PHTF1: variants seen among roughly 807,000 people sequenced by gnomAD.
PHTF1 encodes the protein putative homeodomain transcription factor 1, also known as protein PHTF1.
Under a neutral mutation model 102.4 loss-of-function variants are expected in PHTF1, and 88 were observed. The ratio of observed to expected loss-of-function variants is 0.86; its 90% CI spans 0.72 to 1.03. The LOEUF (loss-of-function observed/expected upper bound fraction) is 1.03. Ranked by LOEUF, PHTF1 falls within the 50% of genes least tolerant of loss-of-function variation. The pLI is 0.00. For missense variants in PHTF1, 814 were observed against 909.5 expected (o/e 0.89, Z 1.35); for synonymous variants, 289 against 305.2 (o/e 0.95, Z 0.55).
intron 11 of PHTF1, among the ~76,000 whole-genome samples, chr1:113,708,179 G>C (rs1650499928): frequency 6.6e-6 from 1 of 152,188 alleles, no homozygotes. Context: ...CTGTAGCAAG[G>C]AAAATGAAAG....
intron 5 of PHTF1, among the ~76,000 whole-genome samples, chr1:113,731,401 T>C (rs1654611741): frequency 6.6e-6 from 1 of 151,866 alleles, no homozygotes; most frequent in Non-Finnish European, 1.5e-5. Flanking sequence ...CAGCTGAGCA[T>C]GGTGGCACAC....
intron 3 of PHTF1, among the ~76,000 whole-genome samples, chr1:113,742,392 G>C (rs1378109397): frequency 6.6e-6 from 1 of 152,192 alleles, no homozygotes; most frequent in African/African-American, 2.4e-5. Context: ...AGAAGGCCAA[G>C]GCAGGAGGAT....
At chr1:113,713,693 A>G (rs1651526373) in intron 7 of PHTF1, 1 of 374,874 alleles carries the variant, frequency 2.7e-6, no homozygotes, top group Non-Finnish European at 4.8e-6. Flanking sequence ...AGTGTTGCAC[A>G]AAAGTAGGTT....
chr1:113,700,553 T>C (rs1649327444), intron 16 of PHTF1, among the ~76,000 whole-genome samples: 1 of 152,148 alleles, frequency 6.6e-6, no homozygotes. Context: ...CCAATAAAAA[T>C]CTCTCCATAG....
At chr1:113,746,215 A>C (rs527418599) in intron 3 of PHTF1, among the ~76,000 whole-genome samples, 2 of 152,352 alleles carry the variant, frequency 1.3e-5, no homozygotes, top group South Asian at 2.1e-4. Flanking sequence ...ACTCATATTC[A>C]AAAGATATTT....
intron 15 of PHTF1, among the ~76,000 whole-genome samples, chr1:113,702,894 G>C (rs1571079165): frequency 6.6e-6 from 1 of 152,278 alleles, no homozygotes; most frequent in African/African-American, 2.4e-5. Context: ...CAGATTAAAG[G>C]AGACTAAAGA....
chr1:113,750,036 C>T (rs970328683), intron 3 of PHTF1, among the ~76,000 whole-genome samples: 1 of 151,884 alleles, frequency 6.6e-6, no homozygotes, highest in African/African-American at 2.4e-5. Context: ...GCTCTGTCAC[C>T]CCGTCTAGAG....
At chr1:113,758,847 A>C (rs543584415) in intron 1 of PHTF1, 114 bp from the exon 2 acceptor site, 1 of 1,347,572 alleles carries the variant, frequency 7.4e-7, no homozygotes, top group South Asian at 2.0e-5. Context: ...CTCTTTCTCC[A>C]GCTGTTTGCC....
chr1:113,728,692 T>G (rs1654195915), intron 5 of PHTF1, among the ~76,000 whole-genome samples: 1 of 152,176 alleles, frequency 6.6e-6, no homozygotes, highest in East Asian at 1.9e-4. Flanking sequence ...GCAGATCACT[T>G]GAGGTGAGAA....
At chr1:113,717,958 C>T (rs1652335218) in intron 7 of PHTF1, among the ~76,000 whole-genome samples, 2 of 152,144 alleles carry the variant, frequency 1.3e-5, no homozygotes, top group Non-Finnish European at 1.5e-5. Context: ...CATGTCCTCA[C>T]ATTTCAAAAC....
chr1:113,704,637 T>A (rs1020736600), intron 14 of PHTF1, 29 bp downstream of exon 14: 1 of 1,526,696 alleles, frequency 6.6e-7, no homozygotes, highest in Non-Finnish European at 8.9e-7. Flanking sequence ...TTCTTGCACA[T>A]ACTCTATTGT....
intron 5 of PHTF1, among the ~76,000 whole-genome samples, chr1:113,731,904 A>T (rs1466958465): frequency 2.1e-5 from 3 of 141,940 alleles, no homozygotes; most frequent in African/African-American, 7.8e-5. Flanking sequence ...CTCAATTTTA[A>T]AAAAAAAAAA....
In PHTF1 at chr1:113,698,256, ACTTACT is replaced by A; in HGVS notation, c.2268_2268+5del. 2 of 1,600,396 alleles carry A rather than the reference ACTTACT, an allele frequency of 1.2e-6. No individual in the cohort carries two copies. The highest frequency in any genetic ancestry group is 2.2e-5 in the East Asian group (1 of 44,558). ...TAGGATGCTACAGAGTGGTGGTGAT[ACTTACT>A]CTTATATTAAATCCTAGAAGATCAC... On this transcript the variant is annotated splice_donor_variant and splice_donor_5th_base_variant and coding_sequence_variant and intron_variant, in exon 18 of 19. Transcript: ENST00000369604. LOFTEE classifies it high-confidence loss of function.
intron 3 of PHTF1, among the ~76,000 whole-genome samples, chr1:113,740,956 G>A (rs1487682927): frequency 1.3e-5 from 2 of 152,052 alleles, no homozygotes; most frequent in African/African-American, 4.8e-5. Flanking sequence ...ACTTGAACTG[G>A]GAACATGGAG....
In PHTF1 at chr1:113,726,474, T is replaced by C. The variant is rs1380784363; in HGVS notation, c.432A>G (p.Gln144=). The C allele has an allele frequency of 6.2e-7, 1 of 1,612,020 alleles. No homozygotes were observed. Among genetic ancestry groups the C allele is most frequent in the South Asian group, 1.1e-5 (1 of 90,720 alleles). ...GTCTTGTTATCTGAGTAGACACAAT[T>C]TGACAGTGGACAGTTCCCATGAGTA... ...LMLLMGTVHC[Q]IVSTQITRPS... is the part of the protein sequence containing the mutation. The change falls in exon 6 of 19, where the codon CAA becomes CAG. Residue 144 remains glutamine, a synonymous_variant. Transcript: ENST00000369604.
intron 3 of PHTF1, among the ~76,000 whole-genome samples, chr1:113,756,823 C>A (rs2101743773): frequency 6.6e-6 from 1 of 152,284 alleles, no homozygotes; most frequent in East Asian, 1.9e-4. Context: ...TAAGAATCCT[C>A]TCAGTTCTAA....
rs146432269 is a variant in PHTF1 at position 113,754,051 on chromosome 1, T to C, written c.102+3648A>G. Among the ~76,000 whole-genome samples, 716 of 152,314 alleles carry C rather than the reference T, an allele frequency of 4.7e-3. 3 individuals are homozygous for C. The highest frequency in any genetic ancestry group is 0.031 in the Middle Eastern group (9 of 294). On this transcript the variant is annotated intron_variant, in intron 3 of 18. Transcript: ENST00000369604. ...TCTCAGTATTTGCCACTAAGTAATT[T>C]GCATTTATTAGAAGGATTCTTTTTA...
chr1:113,729,277 G>C (rs1025769004), intron 5 of PHTF1, among the ~76,000 whole-genome samples: 1 of 152,178 alleles, frequency 6.6e-6, no homozygotes, highest in Non-Finnish European at 1.5e-5. Context: ...GAAGGGTAGT[G>C]GGGGTGGAGT....
intron 5 of PHTF1, among the ~76,000 whole-genome samples, chr1:113,727,903 G>A (rs1410569225): frequency 6.6e-6 from 1 of 152,124 alleles, no homozygotes; most frequent in Non-Finnish European, 1.5e-5. Flanking sequence ...GAGCCCAGAA[G>A]TCGAGGCTGT....
Sources: gnomAD v4.1 joint callset for allele counts (sites outside exome capture counted in the v4.1 genomes callset) on GRCh38, gnomAD v4.1.1 for gene constraint, MANE v1.5 for transcripts, NCBI Gene and HGNC (gene_info 2026-07-23, HGNC 2026-07-21) for gene names.